HCLS1: variants seen among roughly 807,000 people sequenced by gnomAD.
The protein encoded by HCLS1 is hematopoietic lineage cell-specific protein.
Under a neutral mutation model 68.6 loss-of-function variants are expected in HCLS1, and 44 were observed. That is an observed-to-expected ratio of 0.64 (90% CI 0.50 to 0.82). The LOEUF (loss-of-function observed/expected upper bound fraction) is 0.82, where lower values mean the gene tolerates loss of function less well. Among genes scored for constraint, HCLS1 ranks in the 40% least tolerant of loss-of-function variants. The probability of loss-of-function intolerance (pLI) is 0.00; values close to 1 mark genes in which losing one functional copy is unlikely to be tolerated. For missense variants in HCLS1, 602 were observed against 612.1 expected, an observed-to-expected ratio of 0.98 and a Z score of 0.17; for synonymous variants, 217 against 225.8, an observed-to-expected ratio of 0.96 and a Z score of 0.35.
chr3:121,658,014 G>A (rs1228244973), intron 2 of HCLS1: 3 of 458,174 alleles, frequency 6.5e-6, no homozygotes, highest in Non-Finnish European at 1.2e-5. Flanking sequence ...CTCACCTTCA[G>A]TGTAGCCTGC....
Position 121,631,734 on chromosome 3 carries a change from G to T in HCLS1, c.*112C>A. 1 of 1,189,814 alleles carries T rather than the reference G, an allele frequency of 8.4e-7. No homozygotes were observed. Among genetic ancestry groups the T allele is most frequent in the Non-Finnish European group, 1.2e-6 (1 of 836,556 alleles). 73.7% of individuals were successfully genotyped at this position (1,189,814 alleles called of 1,614,324 possible). A position where few individuals can be genotyped will look rare whatever the true frequency, so the allele number is the denominator to read the frequency against. On this transcript the variant is annotated 3_prime_UTR_variant, in exon 14 of 14. Coordinates refer to ENST00000314583, the MANE Select transcript of HCLS1 (RefSeq NM_005335.6). ...GCCCTTAATGAAGCAGGAGAGGGAA[G>T]TCTGTCCAGAACCTCATCTGGTTAG... is the stretch of plus-strand genomic sequence containing the variant.
intron 4 of HCLS1, among the ~76,000 whole-genome samples, chr3:121,646,539 G>A (rs1284112343): frequency 9.9e-6 from 1 of 101,500 alleles, no homozygotes; most frequent in Non-Finnish European, 1.8e-5. Flanking sequence ...AAGTATATAA[G>A]TATATATTAT....
intron 6 of HCLS1, among the ~76,000 whole-genome samples, chr3:121,640,837 GAGGGC>G (rs557668199): frequency 0.14 from 12,405 of 89,928 alleles, 1,329 homozygotes; most frequent in East Asian, 0.33. Flanking sequence ...GAGGGGACGG[GAGGGC>G]AGGGCAGGGC....
chr3:121,648,132 T>G (rs1328708627), intron 3 of HCLS1, among the ~76,000 whole-genome samples: 1 of 152,196 alleles, frequency 6.6e-6, no homozygotes, highest in Non-Finnish European at 1.5e-5. Flanking sequence ...TTTTTGGTCA[T>G]GAATTAAGAT....
Position 121,652,900 on chromosome 3 carries a change from T to C in HCLS1, c.158+4379A>G, listed in dbSNP as rs191253792. Among the ~76,000 whole-genome samples the C allele has an allele frequency of 5.1e-3, 770 of 152,340 alleles. 8 individuals are homozygous for C. The highest frequency in any genetic ancestry group is 0.017 in the African/African-American group (719 of 41,582). Reference sequence around the variant, plus strand: ...AAGAATTACGGACATGACGATATTATGTTTATTAGACAAAAACAATATATT... The same window carrying C: ...AAGAATTACGGACATGACGATATTACGTTTATTAGACAAAAACAATATATT... On this transcript the variant is annotated intron_variant, in intron 3 of 13. Transcript: ENST00000314583.
chr3:121,644,925 C>A lies in HCLS1; in HGVS notation c.292G>T (p.Ala98Ser). ...TCGGCAACATACTCATGGCCCACTGCACTCTGAGAAAAATCAAGGATGGAG... is the reference window on the plus strand; with the variant it reads ...TCGGCAACATACTCATGGCCCACTGAACTCTGAGAAAAATCAAGGATGGAG... ...GVERDRMDKS[A>S]VGHEYVAEVE... Residue 98 changes from alanine (A) to serine (S), a missense_variant, in exon 5 of 14, where the codon GCA (alanine) becomes TCA (serine). Transcript: ENST00000314583. The A allele has an allele frequency of 1.2e-6, 2 of 1,611,166 alleles. No homozygotes were observed. The highest frequency in any genetic ancestry group is 1.7e-6 in the Non-Finnish European group (2 of 1,177,364).
At chr3:121,634,598 G>A (rs554072348) in intron 9 of HCLS1, among the ~76,000 whole-genome samples, 180 bp from the exon 10 acceptor site, 1 of 152,278 alleles carries the variant, frequency 6.6e-6, no homozygotes, top group Non-Finnish European at 1.5e-5. Context: ...TAGCCCTGAA[G>A]CCTGGATTTT....
chr3:121,655,241 G>GA (rs1320495103), intron 3 of HCLS1, among the ~76,000 whole-genome samples: 2 of 151,812 alleles, frequency 1.3e-5, no homozygotes, highest in Admixed American at 1.3e-4. Flanking sequence ...CCACTTAGGA[G>GA]AAAAAAGGGC....
Position 121,635,772 on chromosome 3 carries a change from C to G in HCLS1, c.654G>C (p.Pro218=), listed in dbSNP as rs773755604. 2.5e-6 allele frequency: 4 copies of G among 1,613,914 alleles called. No homozygotes were observed. In the African/African-American group the frequency reaches 4.0e-5, roughly 16 times the overall value. ...SAVGFNEMEA[P]TTAYKKTTPI... ...GCGTCGTCTTCTTATAAGCTGTGGT[C>G]GGGGCCTCCATTTCATTGAAGCCGA... The change falls in exon 9 of 14, where the codon CCG becomes CCC. Residue 218 remains proline (P), a synonymous_variant. Coordinates refer to ENST00000314583, the MANE Select transcript of HCLS1 (RefSeq NM_005335.6).
At chr3:121,659,619 G>A (rs761353621) in intron 1 of HCLS1, among the ~76,000 whole-genome samples, 2 of 152,206 alleles carry the variant, frequency 1.3e-5, no homozygotes, top group African/African-American at 4.8e-5. Flanking sequence ...AGGGGACACC[G>A]GAGAGATATT....
intron 3 of HCLS1, chr3:121,653,979 TTC>T (rs1300177497): frequency 1.3e-5 from 2 of 152,260 alleles, no homozygotes; most frequent in African/African-American, 4.8e-5. Context: ...TTTATTCTTT[TTC>T]TTTTTCTTTT....
At chr3:121,660,364 T>C (rs919868807) in intron 1 of HCLS1, among the ~76,000 whole-genome samples, 3 of 152,206 alleles carry the variant, frequency 2.0e-5, no homozygotes, top group Non-Finnish European at 4.4e-5. Context: ...TGCCTTCTCT[T>C]GGGCTCCATC....
chr3:121,646,037 T>C (rs2049243590), intron 4 of HCLS1, among the ~76,000 whole-genome samples: 1 of 129,468 alleles, frequency 7.7e-6, no homozygotes, highest in South Asian at 2.2e-4. Flanking sequence ...GTATATAATA[T>C]ATAATGTATT....
intron 8 of HCLS1, 77 bp from the exon 9 acceptor site, chr3:121,635,881 TG>T: frequency 3.7e-6 from 4 of 1,089,916 alleles, no homozygotes; most frequent in Non-Finnish European, 2.8e-6. Context: ...TATTGGGGGT[TG>T]GGGGCCACTA....
chr3:121,639,647 C>G (rs569177780), intron 6 of HCLS1, among the ~76,000 whole-genome samples: 2 of 152,164 alleles, frequency 1.3e-5, no homozygotes, highest in Admixed American at 1.3e-4. Context: ...CTCCTGGGCT[C>G]AAGTGATCCT....
At chr3:121,633,037 G>T in intron 11 of HCLS1, 30 bp downstream of exon 11, 1 of 1,444,818 alleles carries the variant, frequency 6.9e-7, no homozygotes, top group Non-Finnish European at 9.7e-7. Context: ...AGATGGGGTG[G>T]GGGCAGAGAA....
intron 9 of HCLS1, 52 bp downstream of exon 9, chr3:121,635,683 G>T (rs2049143237): frequency 1.2e-5 from 17 of 1,419,358 alleles, no homozygotes; most frequent in Non-Finnish European, 1.5e-5. Context: ...GGAAGAAAAA[G>T]AATGAGGGAG....
intron 4 of HCLS1, 68 bp downstream of exon 4, chr3:121,647,251 G>C: frequency 6.5e-7 from 1 of 1,549,110 alleles, no homozygotes; most frequent in Non-Finnish European, 8.8e-7. Flanking sequence ...AAAGTGCTGG[G>C]ATTACAGGCG....
chr3:121,639,575 G>T (rs540397176), intron 6 of HCLS1, among the ~76,000 whole-genome samples: 1 of 151,952 alleles, frequency 6.6e-6, no homozygotes, highest in African/African-American at 2.4e-5. Flanking sequence ...TTGAGACAGG[G>T]TCTCACTCTG....
Sources: allele counts gnomAD v4.1 joint callset (sites outside exome capture counted in the v4.1 genomes callset), GRCh38; gene constraint gnomAD v4.1.1; transcripts MANE v1.5; gene names NCBI Gene and HGNC (gene_info 2026-07-23, HGNC 2026-07-21).